The following AP2B1 variants were observed in gnomAD, a reference collection of about 807,000 sequenced individuals.
The protein encoded by AP2B1 is adaptor related protein complex 2 subunit beta 1.
AP2B1 carries 23 observed loss-of-function variants against 102.0 expected under a neutral mutation model. The observed-to-expected ratio is 0.23, with a 90% confidence interval of 0.16 to 0.32. AP2B1 has a LOEUF of 0.32. Ranked by LOEUF, AP2B1 falls within the 10% of genes least tolerant of loss-of-function variation. AP2B1 has a pLI of 1.00. For synonymous variants in AP2B1, 381 were observed against 421.2 expected, an observed-to-expected ratio of 0.90 and a Z score of 1.17; for missense variants, 541 against 1,157.4, an observed-to-expected ratio of 0.47 and a Z score of 7.73.
At position 35,597,035 on chromosome 17, in the gene AP2B1, C is replaced by T. The variant is rs1306491599; in HGVS notation, c.38-1195C>T. 5.5e-5 allele frequency: 33 copies of T among 599,904 alleles called. No individual in the cohort carries two copies. In the Admixed American group the frequency reaches 6.9e-4, roughly 13 times the overall value. The allele number at this position is 599,904 out of a possible 1,614,324, so 37.2% of individuals were successfully genotyped here. Reference sequence around the variant, plus strand: ...AGCTCGGACACAGGTGGCGGCGAAGCCCCGTTGTGGGGGCCGTGGCCGGGG... The same window carrying T: ...AGCTCGGACACAGGTGGCGGCGAAGTCCCGTTGTGGGGGCCGTGGCCGGGG... On this transcript the variant is annotated intron_variant, in intron 2 of 21. Coordinates refer to ENST00000610402, the MANE Select transcript of AP2B1 (RefSeq NM_001030006.2).
rs1026358313 is a variant in AP2B1, at chr17:35,629,191, G to T, written c.1155+1465G>T. ...TTGAACTCCTAGCCTCAAGTGATCC[G>T]CCTGCCTCAGCCTCCCAAAGTGTTG... On this transcript the variant is annotated intron_variant, in intron 9 of 21. Coordinates refer to ENST00000610402, the MANE Select transcript of AP2B1 (RefSeq NM_001030006.2). 3.9e-5 allele frequency among the ~76,000 whole-genome samples: 6 copies of T among 152,020 alleles called. No homozygotes were observed. In the South Asian group the frequency reaches 1.2e-3, roughly 32 times the overall value.
chr17:35,616,208 A>G (rs368056000), intron 5 of AP2B1, among the ~76,000 whole-genome samples: 3 of 110,910 alleles, frequency 2.7e-5, no homozygotes, highest in African/African-American at 1.1e-4. Flanking sequence ...TCAGTCGCCC[A>G]GGCTGGAGTG....
intron 16 of AP2B1, among the ~76,000 whole-genome samples, chr17:35,672,612 A>G (rs2075612513): frequency 6.6e-6 from 1 of 152,210 alleles, no homozygotes; most frequent in Non-Finnish European, 1.5e-5. Context: ...AGGAGTTGTA[A>G]CTGTGATAAC....
intron 13 of AP2B1, among the ~76,000 whole-genome samples, chr17:35,651,788 G>T (rs2075092682): frequency 6.6e-6 from 1 of 152,094 alleles, no homozygotes; most frequent in Non-Finnish European, 1.5e-5. Flanking sequence ...TTTACAGCAG[G>T]TGCTATAATT....
chr17:35,707,625 G>T (rs185111841), intron 18 of AP2B1, among the ~76,000 whole-genome samples: 3 of 151,686 alleles, frequency 2.0e-5, no homozygotes, highest in Admixed American at 6.6e-5. Flanking sequence ...GCTAATTTTT[G>T]TATTTTTGGT....
intron 18 of AP2B1, among the ~76,000 whole-genome samples, chr17:35,702,845 A>G (rs2076263334): frequency 6.6e-6 from 1 of 152,220 alleles, no homozygotes; most frequent in Non-Finnish European, 1.5e-5. Flanking sequence ...ACCAGTTGGA[A>G]TGGCTATTAT....
chr17:35,649,274 T>A (rs555593913), intron 12 of AP2B1, among the ~76,000 whole-genome samples: 242 of 150,586 alleles, frequency 1.6e-3, no homozygotes, highest in Middle Eastern at 3.5e-3. Flanking sequence ...TTAAAAAAAA[T>A]TTCTTTTTTT....
At chr17:35,673,597 C>T (rs2142968407) in intron 16 of AP2B1, among the ~76,000 whole-genome samples, 1 of 152,190 alleles carries the variant, frequency 6.6e-6, no homozygotes, top group Non-Finnish European at 1.5e-5. Flanking sequence ...AATAGGCATT[C>T]AGATTATATG....
In AP2B1 at chr17:35,639,607, C is replaced by T; in HGVS notation, c.1284C>T (p.Ile428=). Residue 428 remains isoleucine, a synonymous_variant, in exon 11 of 22, where the codon ATC becomes ATT. Coordinates refer to ENST00000610402, the MANE Select transcript of AP2B1 (RefSeq NM_001030006.2). ...TTTTTTTCATCAGGTATGAAAGTAT[C>T]ATCGCCACTCTGTGTGAGAACTTAG... ...FRKYPNKYES[I]IATLCENLDS... 1 of 1,610,848 alleles carries T rather than the reference C, an allele frequency of 6.2e-7. No homozygotes were observed. The highest frequency in any genetic ancestry group is 8.5e-7 in the Non-Finnish European group (1 of 1,178,922).
chr17:35,704,151 T>G (rs890613131), intron 18 of AP2B1, among the ~76,000 whole-genome samples: 6 of 152,222 alleles, frequency 3.9e-5, no homozygotes, highest in African/African-American at 1.4e-4. Flanking sequence ...GGAATTAAAC[T>G]GGCTTCATAC....
intron 14 of AP2B1, among the ~76,000 whole-genome samples, chr17:35,660,636 C>T (rs959884543): frequency 1.3e-5 from 2 of 152,000 alleles, no homozygotes; most frequent in Admixed American, 1.3e-4. Flanking sequence ...GTGCCCGCCA[C>T]CACGCCCGGC....
At chr17:35,627,273 T>TG in intron 7 of AP2B1, 112 bp from the exon 8 acceptor site, 2 of 308,074 alleles carry the variant, frequency 6.5e-6, no homozygotes, top group Non-Finnish European at 5.4e-6. Context: ...TTTTTTTGCC[T>TG]GAGTGGAGCG....
intron 7 of AP2B1, 61 bp from the exon 8 acceptor site, chr17:35,627,323 TC>T (rs1268471051): frequency 3.5e-6 from 5 of 1,420,918 alleles, no homozygotes; most frequent in Non-Finnish European, 4.7e-6. Context: ...ATTAATACAG[TC>T]TCAGAAGGGT....
chr17:35,626,424 C>T (rs774035794), intron 6 of AP2B1, among the ~76,000 whole-genome samples, 197 bp from the exon 7 acceptor site: 1 of 152,078 alleles, frequency 6.6e-6, no homozygotes, highest in Non-Finnish European at 1.5e-5. Context: ...TATGTCCCTG[C>T]TCTGCCTGTA....
At position 35,645,851 on chromosome 17, in the gene AP2B1, A is replaced by AAAAAC. The variant is rs561681716; in HGVS notation, c.1536+3896_1536+3900dup. Among the ~76,000 whole-genome samples, 7 of 152,334 alleles carry AAAAAC rather than the reference A, an allele frequency of 4.6e-5. No individual in the cohort carries two copies. In the South Asian group the frequency reaches 6.2e-4, roughly 14 times the overall value. On this transcript the variant is annotated intron_variant, in intron 12 of 21. Coordinates refer to ENST00000610402, the MANE Select transcript of AP2B1 (RefSeq NM_001030006.2). ...GCAAGAAGACCTAGACTCTGTCTCA[A>AAAAAC]AAAACAAAACAAAACAAAACAAAAA... is the stretch of plus-strand genomic sequence containing the variant.
chr17:35,640,881 G>A (rs185179942), intron 11 of AP2B1, among the ~76,000 whole-genome samples: 35 of 152,328 alleles, frequency 2.3e-4, no homozygotes, highest in Middle Eastern at 3.4e-3. Context: ...GCTAGAGGCT[G>A]TGGTGAGGTT....
intron 2 of AP2B1, among the ~76,000 whole-genome samples, chr17:35,595,350 C>T (rs1398919926): frequency 1.3e-5 from 2 of 151,816 alleles, no homozygotes; most frequent in East Asian, 3.9e-4. Context: ...TTGAGACCAG[C>T]CTGGGCAACA....
At chr17:35,640,311 A>T (rs1208699978) in intron 11 of AP2B1, among the ~76,000 whole-genome samples, 1 of 148,636 alleles carries the variant, frequency 6.7e-6, no homozygotes, top group Admixed American at 6.9e-5. Context: ...ATTGTGGCTC[A>T]CTGCAACCTC....
At chr17:35,679,693 T>C (rs1470804679) in intron 17 of AP2B1, among the ~76,000 whole-genome samples, 1 of 152,162 alleles carries the variant, frequency 6.6e-6, no homozygotes, top group Non-Finnish European at 1.5e-5. Context: ...TTTGGAACCA[T>C]GCTGCTGCCA....
Sources: allele counts gnomAD v4.1 joint callset (sites outside exome capture counted in the v4.1 genomes callset), GRCh38; gene constraint gnomAD v4.1.1; transcripts MANE v1.5; gene names NCBI Gene and HGNC (gene_info 2026-07-23, HGNC 2026-07-21).